The following FCRL3 variants were observed in gnomAD, a reference collection of about 807,000 sequenced individuals.
FCRL3 encodes Fc receptor like 3, also known as Fc receptor-like protein 3.
In FCRL3, 89 loss-of-function variants were observed where a neutral mutation model predicts 75.0. That is an observed-to-expected ratio of 1.19 (90% CI 1.00 to 1.42). The LOEUF (loss-of-function observed/expected upper bound fraction) is 1.42. Ranked by LOEUF, FCRL3 falls within the 40% of genes most tolerant of loss-of-function variation. The pLI is 0.00. For synonymous variants in FCRL3, 376 were observed against 348.5 expected (o/e 1.08, Z -0.88); for missense variants, 946 against 880.0 (o/e 1.07, Z -0.95).
In FCRL3 at chr1:157,677,211, T is replaced by C. The variant is rs577296083; in HGVS notation, c.*1499A>G. ...TGCTGGTCGTAATGGAGGACAAAAG[T>C]GCCTTCTGGTGAAACTCAGCTTCCA... On this transcript the variant is annotated 3_prime_UTR_variant, in exon 15 of 15. Transcript: ENST00000368184. 3.0e-6 allele frequency: 3 copies of C among 1,006,344 alleles called. No individual in the cohort carries two copies. The highest frequency in any genetic ancestry group is 3.6e-6 in the Non-Finnish European group (3 of 841,534). 62.3% of individuals were successfully genotyped at this position (1,006,344 alleles called of 1,614,324 possible).
chr1:157,698,257 C>T, intron 4 of FCRL3, 127 bp downstream of exon 4: 2 of 1,135,892 alleles, frequency 1.8e-6, no homozygotes, highest in Non-Finnish European at 2.5e-6. Flanking sequence ...TCTTTATTTT[C>T]CCCACTGGGG....
chr1:157,697,557 G>C, intron 5 of FCRL3, 102 bp downstream of exon 5: 1 of 1,448,362 alleles, frequency 6.9e-7, no homozygotes, highest in Non-Finnish European at 9.3e-7. Flanking sequence ...TCCCATGGCT[G>C]AGCCATAGGA....
chr1:157,683,653 C>T (rs1313990542), intron 10 of FCRL3, among the ~76,000 whole-genome samples: 1 of 152,186 alleles, frequency 6.6e-6, no homozygotes, highest in Admixed American at 6.5e-5. Flanking sequence ...AATTCCTTCA[C>T]TAATATGAAT....
At chr1:157,690,805 G>A (rs1363892620) in intron 8 of FCRL3, among the ~76,000 whole-genome samples, 2 of 152,070 alleles carry the variant, frequency 1.3e-5, no homozygotes, top group Non-Finnish European at 2.9e-5. Flanking sequence ...CATATTGCAT[G>A]TAAAGTACTA....
chr1:157,699,896 G>A (rs755795616), intron 2 of FCRL3, among the ~76,000 whole-genome samples, 184 bp from the exon 3 acceptor site: 2 of 152,106 alleles, frequency 1.3e-5, no homozygotes, highest in Non-Finnish European at 2.9e-5. Flanking sequence ...TTATGTCCAA[G>A]GCCTGACCTC....
rs764100234 is a variant in FCRL3, at chr1:157,697,207, C to T, written c.777G>A (p.Trp259Ter). The change falls in exon 6 of 15, where the codon TGG (tryptophan) becomes TGA (stop). Residue 259 changes from tryptophan to a stop codon, truncating the protein, a stop_gained. Coordinates refer to ENST00000368184, the MANE Select transcript of FCRL3 (RefSeq NM_052939.4). LOFTEE classifies it high-confidence loss of function. ...AMWTEDSGSY[W>*]CEVETVTHSI... ...TGTGAGTCACTGTCTCCACCTCACACCAGTAAGACCCTGAGTCTTCAGTCC... is the reference window on the plus strand; with the variant it reads ...TGTGAGTCACTGTCTCCACCTCACATCAGTAAGACCCTGAGTCTTCAGTCC... 5 of 1,578,778 alleles carry T rather than the reference C, an allele frequency of 3.2e-6. No homozygotes were observed. Among genetic ancestry groups the T allele is most frequent in the Non-Finnish European group, 4.3e-6 (5 of 1,162,154 alleles).
At position 157,677,973 on chromosome 1, in the gene FCRL3, A is replaced by G. The variant is rs1011985394; in HGVS notation, c.*737T>C. ...ATGGGTGCTTATAAGAATAAAACTGACTGACTAGAAATCTATCATGTATGG... is the reference window on the plus strand; with the variant it reads ...ATGGGTGCTTATAAGAATAAAACTGGCTGACTAGAAATCTATCATGTATGG... On this transcript the variant is annotated 3_prime_UTR_variant, in exon 15 of 15. Coordinates refer to ENST00000368184, the MANE Select transcript of FCRL3 (RefSeq NM_052939.4). The G allele has an allele frequency of 2.6e-5, 26 of 985,386 alleles. No individual in the cohort carries two copies. In the Admixed American group the frequency reaches 1.4e-3, roughly 51 times the overall value. 61.0% of individuals were successfully genotyped at this position (985,386 alleles called of 1,614,324 possible). A position where few individuals can be genotyped will look rare whatever the true frequency, so the allele number is the denominator to read the frequency against.
rs79495805 is a variant in FCRL3, at chr1:157,691,035, G to C, written c.1412-502C>G. On this transcript the variant is annotated intron_variant, in intron 8 of 14. Coordinates refer to ENST00000368184, the MANE Select transcript of FCRL3 (RefSeq NM_052939.4). Reference sequence around the variant, plus strand: ...TGTATGTATGTATGTATGTATGTATGTATCTATCTATCATCATTGTTTTAT... The same window carrying C: ...TGTATGTATGTATGTATGTATGTATCTATCTATCTATCATCATTGTTTTAT... Among the ~76,000 whole-genome samples, 384 of 151,654 alleles carry C rather than the reference G, an allele frequency of 2.5e-3. 3 individuals are homozygous for C. The highest frequency in any genetic ancestry group is 9.3e-3 in the East Asian group (48 of 5,182).
chr1:157,690,875 T>G (rs1655485771), intron 8 of FCRL3, among the ~76,000 whole-genome samples: 1 of 152,178 alleles, frequency 6.6e-6, no homozygotes, highest in African/African-American at 2.4e-5. Flanking sequence ...CTAAAATTCC[T>G]ACACCTGAAT....
At position 157,679,052 on chromosome 1, in the gene FCRL3, C is replaced by T. The variant is rs188721142; in HGVS notation, c.2027-79G>A. On this transcript the variant is annotated intron_variant, in intron 13 of 14. Coordinates refer to ENST00000368184, the MANE Select transcript of FCRL3 (RefSeq NM_052939.4). ...ACTTACAACGTACGCACACTGCATT[C>T]CAAACCAATCTTCTTGATTTGCTTG... is the stretch of plus-strand genomic sequence containing the variant. 765 of 1,463,496 alleles carry T rather than the reference C, an allele frequency of 5.2e-4. 1 individual carries two copies. Among genetic ancestry groups the T allele is most frequent in the Non-Finnish European group, 6.9e-4 (721 of 1,044,800 alleles). The allele number at this position is 1,463,496 out of a possible 1,614,324, so 90.7% of individuals were successfully genotyped here.
chr1:157,683,294 T>C, intron 10 of FCRL3, 50 bp from the exon 11 acceptor site: 2 of 1,598,810 alleles, frequency 1.3e-6, no homozygotes, highest in Non-Finnish European at 1.7e-6. Flanking sequence ...GTGTAAATAA[T>C]GAACTCTCTG....
At chr1:157,685,931 T>C (rs1456034033) in intron 10 of FCRL3, among the ~76,000 whole-genome samples, 1 of 152,154 alleles carries the variant, frequency 6.6e-6, no homozygotes, top group Non-Finnish European at 1.5e-5. Flanking sequence ...GCATGTCCAC[T>C]ATCACTACGC....
chr1:157,700,385 A>T, intron 2 of FCRL3, 74 bp downstream of exon 2: 1 of 1,608,464 alleles, frequency 6.2e-7, no homozygotes, highest in South Asian at 1.1e-5. Flanking sequence ...AAGCAGAGAT[A>T]GAAGCTCCTT....
chr1:157,689,647 G>T, intron 10 of FCRL3, 151 bp downstream of exon 10: 2 of 972,118 alleles, frequency 2.1e-6, no homozygotes, highest in Non-Finnish European at 1.4e-6. Context: ...TATTGTTTTT[G>T]CTACAATTGC....
chr1:157,679,300 G>A, intron 13 of FCRL3: 1 of 388,412 alleles, frequency 2.6e-6, no homozygotes. Flanking sequence ...TTGCTCCTCT[G>A]CTCATTATAA....
chr1:157,699,629 G>A (rs1336068527), intron 3 of FCRL3, 63 bp downstream of exon 3: 4 of 1,578,604 alleles, frequency 2.5e-6, no homozygotes, highest in African/African-American at 1.3e-5. Flanking sequence ...GTTAGGGCAG[G>A]CTGTGTGGGC....
chr1:157,685,486 G>A (rs111368981), intron 10 of FCRL3, among the ~76,000 whole-genome samples: 4 of 152,166 alleles, frequency 2.6e-5, no homozygotes, highest in East Asian at 3.9e-4. Flanking sequence ...ATAATAGTGG[G>A]AGATTTCAAT....
At chr1:157,700,893 G>T (rs958742577), upstream of FCRL3, 5 of 309,372 alleles carry the variant, frequency 1.6e-5, no homozygotes, top group Non-Finnish European at 2.6e-5. Flanking sequence ...TCTGCATGCA[G>T]CTCCTAATGT....
intron 10 of FCRL3, among the ~76,000 whole-genome samples, 195 bp from the exon 11 acceptor site, chr1:157,683,439 T>G (rs1431300590): frequency 1.3e-5 from 2 of 152,154 alleles, no homozygotes; most frequent in Non-Finnish European, 2.9e-5. Context: ...TTGAAAGGCA[T>G]TTGCCCAGAG....
Sources: allele counts gnomAD v4.1 joint callset (sites outside exome capture counted in the v4.1 genomes callset), GRCh38; gene constraint gnomAD v4.1.1; transcripts MANE v1.5; gene names NCBI Gene and HGNC (gene_info 2026-07-23, HGNC 2026-07-21).